The following HYDIN variants were observed in gnomAD, a reference collection of about 807,000 sequenced individuals.
The protein encoded by HYDIN is HYDIN axonemal central pair apparatus protein, also known as axonemal central pair apparatus protein HYDIN.
A neutral mutation model predicts 403.9 loss-of-function variants in HYDIN; 132 were observed. That is an observed-to-expected ratio of 0.33 (90% CI 0.28 to 0.38). HYDIN has a LOEUF of 0.38. HYDIN is among the 10% of genes least tolerant of loss of function. The probability of loss-of-function intolerance (pLI) is 1.00; values close to 1 mark genes in which losing one functional copy is unlikely to be tolerated. For missense variants in HYDIN, 2,827 were observed against 5,009.5 expected, an observed-to-expected ratio of 0.56 and a Z score of 13.15; for synonymous variants, 1,202 against 1,891.7, an observed-to-expected ratio of 0.64 and a Z score of 9.46.
chr16:70,908,985 G>C, intron 47 of HYDIN, 124 bp from the exon 48 acceptor site: 1 of 930,564 alleles, frequency 1.1e-6, no homozygotes, highest in Non-Finnish European at 1.6e-6. Flanking sequence ...GGCTAGAGCA[G>C]GGCAGGGTCT....
chr16:70,836,730 C>A (rs1419835408), intron 77 of HYDIN, among the ~76,000 whole-genome samples: 1 of 152,202 alleles, frequency 6.6e-6, no homozygotes, highest in Non-Finnish European at 1.5e-5. Context: ...CCACATGTTT[C>A]CATTTTGTCT....
chr16:71,206,244 G>T (rs988945792), intron 1 of HYDIN, among the ~76,000 whole-genome samples: 2 of 152,160 alleles, frequency 1.3e-5, no homozygotes, highest in African/African-American at 4.8e-5. Flanking sequence ...TTGGCCAACT[G>T]CAGCCCCAGC....
At chr16:71,021,551 T>A (rs1193321787) in intron 21 of HYDIN, among the ~76,000 whole-genome samples, 1 of 152,124 alleles carries the variant, frequency 6.6e-6, no homozygotes, top group African/African-American at 2.4e-5. Context: ...GCATCAGAAA[T>A]GAATCTCGAG....
At chr16:70,857,326 G>C (rs1237632363) in intron 72 of HYDIN, among the ~76,000 whole-genome samples, 1 of 49,294 alleles carries the variant, frequency 2.0e-5, no homozygotes, top group Non-Finnish European at 3.4e-5. Flanking sequence ...AAGGATGAGA[G>C]AGAAATTTGA....
At position 70,817,784 on chromosome 16, in the gene HYDIN, C is replaced by T. The variant is rs1203575028; in HGVS notation, c.14658+558G>A. Reference sequence around the variant, plus strand: ...TGAGATAGAGTCTTACTCTGTTGCCCAGGCTGCAGTGCAGTGGCACAGTCT... The same window carrying T: ...TGAGATAGAGTCTTACTCTGTTGCCTAGGCTGCAGTGCAGTGGCACAGTCT... On this transcript the variant is annotated intron_variant, in intron 84 of 85. Transcript: ENST00000393567. Among the ~76,000 whole-genome samples the T allele has an allele frequency of 2.0e-5, 3 of 151,866 alleles. 1 individual carries two copies. Among genetic ancestry groups the T allele is most frequent in the Non-Finnish European group, 4.4e-5 (3 of 67,980 alleles).
intron 1 of HYDIN, among the ~76,000 whole-genome samples, chr16:71,215,210 G>T (rs938705347): frequency 6.6e-6 from 1 of 151,918 alleles, no homozygotes; most frequent in Admixed American, 6.6e-5. Context: ...AAGAAGCAAG[G>T]AAAGAAGGGA....
intron 5 of HYDIN, among the ~76,000 whole-genome samples, chr16:71,175,166 C>T (rs1005351164): frequency 1.4e-5 from 2 of 147,712 alleles, no homozygotes; most frequent in African/African-American, 5.0e-5. Context: ...AATACCACCA[C>T]CATCTACACC....
At chr16:71,066,655 A>G in intron 15 of HYDIN, 1 of 323,604 alleles carries the variant, frequency 3.1e-6, no homozygotes, top group South Asian at 2.5e-5. Flanking sequence ...CACCACCCTC[A>G]TCAGCAGTAC....
chr16:71,164,842 A>G (rs1217829635), intron 5 of HYDIN, among the ~76,000 whole-genome samples: 2 of 148,000 alleles, frequency 1.4e-5, no homozygotes, highest in Non-Finnish European at 3.0e-5. Flanking sequence ...GGCTCCACAA[A>G]GACAGCTAAG....
intron 23 of HYDIN, among the ~76,000 whole-genome samples, chr16:71,000,503 T>G (rs1283501857): frequency 2.0e-5 from 3 of 149,934 alleles, no homozygotes; most frequent in Admixed American, 6.7e-5. Context: ...GTATGGGCCC[T>G]AACATGGAGA....
chr16:70,851,331 C>A (rs1472072954), intron 73 of HYDIN, among the ~76,000 whole-genome samples: 2 of 151,076 alleles, frequency 1.3e-5, no homozygotes, highest in African/African-American at 4.9e-5. Context: ...ATGCATCTGA[C>A]ACAGGTCTAA....
At chr16:70,948,514 A>T (rs1361938591) in intron 41 of HYDIN, among the ~76,000 whole-genome samples, 2 of 151,316 alleles carry the variant, frequency 1.3e-5, no homozygotes, top group Non-Finnish European at 3.0e-5. Context: ...ATCAGAGTGA[A>T]CAGGCAACCT....
intron 13 of HYDIN, among the ~76,000 whole-genome samples, chr16:71,070,421 T>A (rs2082430777): frequency 6.6e-6 from 1 of 150,640 alleles, no homozygotes; most frequent in South Asian, 2.1e-4. Flanking sequence ...CAGGTTCAAG[T>A]GATTCTCCTG....
At chr16:70,904,492 T>A (rs2076475818) in intron 50 of HYDIN, among the ~76,000 whole-genome samples, 1 of 53,166 alleles carries the variant, frequency 1.9e-5, no homozygotes, top group African/African-American at 8.0e-5. Flanking sequence ...TTTTTTTTTT[T>A]TTTTTTTTTT....
chr16:71,062,512 T>C, intron 16 of HYDIN, 179 bp from the exon 17 acceptor site: 1 of 554,396 alleles, frequency 1.8e-6, no homozygotes, highest in Non-Finnish European at 3.2e-6. Context: ...TTAAGTGGGA[T>C]GTGCGTGAGG....
At chr16:71,099,866 C>T (rs1202918876) in intron 10 of HYDIN, among the ~76,000 whole-genome samples, 1 of 152,028 alleles carries the variant, frequency 6.6e-6, no homozygotes, top group Non-Finnish European at 1.5e-5. Flanking sequence ...AGCCAGGCAT[C>T]ATGGAGTGAG....
Position 70,813,919 on chromosome 16 carries a change from C to CAGTA in HYDIN, c.14659-3916_14659-3913dup, listed in dbSNP as rs1239497002. Among the ~76,000 whole-genome samples, 4 of 152,258 alleles carry CAGTA rather than the reference C, an allele frequency of 2.6e-5. No homozygotes were observed. The East Asian group carries it at 5.8e-4, about 22-fold the overall frequency. On this transcript the variant is annotated intron_variant, in intron 84 of 85. Coordinates refer to ENST00000393567, the MANE Select transcript of HYDIN (RefSeq NM_001270974.2). Reference sequence around the variant, plus strand: ...GGATGCTCTGATATTGGCACAAATTCAGTAATTAGATCATTATGATATCAT... The same window carrying CAGTA: ...GGATGCTCTGATATTGGCACAAATTCAGTAAGTAATTAGATCATTATGATATCAT...
At chr16:70,949,832 A>G (rs2078006313) in intron 41 of HYDIN, among the ~76,000 whole-genome samples, 1 of 152,294 alleles carries the variant, frequency 6.6e-6, no homozygotes, top group African/African-American at 2.4e-5. Context: ...TTGGAGTCAG[A>G]ATTGGGATGT....
chr16:70,879,560 G>A, intron 61 of HYDIN, 45 bp downstream of exon 61: 2 of 1,608,508 alleles, frequency 1.2e-6, no homozygotes, highest in Non-Finnish European at 1.7e-6. Context: ...AGTGTGGCCT[G>A]CAGTCCTGCT....
Sources: allele counts gnomAD v4.1 joint callset (sites outside exome capture counted in the v4.1 genomes callset), GRCh38; gene constraint gnomAD v4.1.1; transcripts MANE v1.5; gene names NCBI Gene and HGNC (gene_info 2026-07-23, HGNC 2026-07-21).